The following COL4A3 variants were observed in gnomAD, a reference collection of about 807,000 sequenced individuals.
COL4A3 encodes the protein collagen type IV alpha 3 chain.
In COL4A3, 135 loss-of-function variants were observed where a neutral mutation model predicts 217.4. The observed-to-expected ratio is 0.62, with a 90% CI of 0.54 to 0.72. The LOEUF (loss-of-function observed/expected upper bound fraction) is 0.72, where lower values mean the gene tolerates loss of function less well. COL4A3 is among the 30% of genes least tolerant of loss of function. The pLI is 0.00. For synonymous variants in COL4A3, 690 were observed against 736.3 expected, an observed-to-expected ratio of 0.94 and a Z score of 1.02; for missense variants, 1,868 against 2,119.9, an observed-to-expected ratio of 0.88 and a Z score of 2.33.
At chr2:227,301,773 A>C (rs1391725941) in intron 43 of COL4A3, 2 of 152,228 alleles carry the variant, frequency 1.3e-5, no homozygotes, top group Non-Finnish European at 2.9e-5. Flanking sequence ...CCCTGGCAAC[A>C]TGCCCTTTTT....
chr2:227,267,792 GA>G (rs11298010), intron 23 of COL4A3, among the ~76,000 whole-genome samples: 108,354 of 146,712 alleles, frequency 0.74, 39,841 homozygotes, highest in South Asian at 0.81. Context: ...ATTTTGAAAG[GA>G]AAAAAAAAAA....
At position 227,247,972 on chromosome 2, in the gene COL4A3, CT is replaced by C. The variant is rs561331363; in HGVS notation, c.468+389del. 3.4e-4 allele frequency among the ~76,000 whole-genome samples: 52 copies of C among 152,270 alleles called. 2 individuals are homozygous for C. The South Asian group carries it at 9.3e-3, about 27-fold the overall frequency. On this transcript the variant is annotated intron_variant, in intron 8 of 51. Transcript: ENST00000396578. ...TTTATTTTTTTGAGATGGAGTCTTG[CT>C]CTGTTGCCCAGGCTGGAGTACAGTG... is the stretch of plus-strand genomic sequence containing the variant.
At chr2:227,234,606 C>A (rs1306006576) in intron 1 of COL4A3, among the ~76,000 whole-genome samples, 1 of 152,162 alleles carries the variant, frequency 6.6e-6, no homozygotes, top group Non-Finnish European at 1.5e-5. Context: ...CCAAAGATAC[C>A]AGTGTGACTA....
chr2:227,298,705 C>T lies in COL4A3; in HGVS notation c.3775C>T (p.Pro1259Ser). The T allele has an allele frequency of 6.2e-7, 1 of 1,614,012 alleles. No individual in the cohort carries two copies. Among genetic ancestry groups the T allele is most frequent in the Non-Finnish European group, 8.5e-7 (1 of 1,179,970 alleles). Reference protein sequence around the residue: ...SPGAPGPPGPPGSHVIGIKGD... With the variant: ...SPGAPGPPGPSGSHVIGIKGD... The stretch of plus-strand genomic sequence containing the variant: ...AGGTGCGCCTGGTCCCCCTGGACCT[C>T]CAGGGAGTCATGTAATAGGCATAAA... The change falls in exon 43 of 52, where the codon CCA (proline) becomes TCA (serine). Residue 1259 changes from proline (P) to serine (S), a missense_variant. Transcript: ENST00000396578.
At chr2:227,181,404 C>T (rs2065864092) in intron 1 of COL4A3, among the ~76,000 whole-genome samples, 1 of 152,148 alleles carries the variant, frequency 6.6e-6, no homozygotes. Context: ...AGGATGAATC[C>T]TTGTGAAGTT....
intron 1 of COL4A3, among the ~76,000 whole-genome samples, chr2:227,207,376 C>T (rs6718536): frequency 0.4 from 61,386 of 152,006 alleles, 13,204 homozygotes; most frequent in East Asian, 0.78. Flanking sequence ...TTCTTCTTCA[C>T]TTCTTGTTTA....
intron 1 of COL4A3, among the ~76,000 whole-genome samples, chr2:227,209,159 A>T (rs1300732489): frequency 6.6e-6 from 1 of 152,232 alleles, no homozygotes; most frequent in East Asian, 1.9e-4. Flanking sequence ...CACAATGTTA[A>T]TTCCTGTTCC....
At chr2:227,284,965 T>C (rs1432826872) in intron 34 of COL4A3, among the ~76,000 whole-genome samples, 1 of 152,216 alleles carries the variant, frequency 6.6e-6, no homozygotes, top group East Asian at 1.9e-4. Flanking sequence ...ATACGACCAA[T>C]ATAAAACCAA....
At chr2:227,201,065 T>C (rs2066667304) in intron 1 of COL4A3, among the ~76,000 whole-genome samples, 1 of 152,064 alleles carries the variant, frequency 6.6e-6, no homozygotes, top group Non-Finnish European at 1.5e-5. Flanking sequence ...CTTAAGTATC[T>C]TTAAAAAGTT....
chr2:227,238,934 T>C (rs62277850), intron 2 of COL4A3, among the ~76,000 whole-genome samples: 53,865 of 152,090 alleles, frequency 0.35, 10,327 homozygotes, highest in African/African-American at 0.51. Context: ...GATGCTACTG[T>C]AGGGTGTATA....
In COL4A3 at chr2:227,293,275, C is replaced by T; in HGVS notation, c.3295C>T (p.Pro1099Ser). The stretch of plus-strand genomic sequence containing the variant: ...ACCTGGACATTTGGGGCCTGCTGGA[C>T]CTGAGGGAGCCCCTGGAAGTCCTGG... The part of the protein sequence containing the change: ...GPPGHLGPAG[P>S]EGAPGSPGSP... Residue 1099 changes from proline to serine, a missense_variant, in exon 38 of 52, where the codon CCT becomes TCT. Pro to Ser is a moderately conservative substitution (Grantham distance 74). This residue lies in a region of COL4A3 where 1,503 missense variants were observed against 1,786.1 expected (regional missense o/e 0.84). Transcript: ENST00000396578. 6.2e-7 allele frequency: 1 copy of T among 1,613,754 alleles called. No homozygotes were observed. The highest frequency in any genetic ancestry group is 8.5e-7 in the Non-Finnish European group (1 of 1,180,006).
At chr2:227,247,443 G>A (rs887970028) in intron 7 of COL4A3, 115 bp from the exon 8 acceptor site, 92 of 931,986 alleles carry the variant, frequency 9.9e-5, no homozygotes, top group Admixed American at 1.7e-4. Flanking sequence ...TTGTAAGGCC[G>A]TGGGAGGTGT....
At chr2:227,271,828 G>A (rs2071260367) in intron 25 of COL4A3, among the ~76,000 whole-genome samples, 1 of 152,112 alleles carries the variant, frequency 6.6e-6, no homozygotes, top group Admixed American at 6.5e-5. Context: ...TCATCATAAT[G>A]TATTTACAAG....
chr2:227,289,324 G>C (rs1193290551), intron 35 of COL4A3, 76 bp downstream of exon 35: 3 of 1,211,836 alleles, frequency 2.5e-6, no homozygotes, highest in Admixed American at 3.9e-5. Context: ...GTTGTTTCTA[G>C]GCTTACTGGG....
At chr2:227,212,067 A>G (rs1477943577) in intron 1 of COL4A3, among the ~76,000 whole-genome samples, 1 of 152,144 alleles carries the variant, frequency 6.6e-6, no homozygotes. Context: ...GTTTTTCTGA[A>G]TACTCATGAC....
chr2:227,208,805 C>CAT (rs143669282), intron 1 of COL4A3, among the ~76,000 whole-genome samples: 9 of 106,328 alleles, frequency 8.5e-5, no homozygotes, highest in East Asian at 4.1e-4. Context: ...CACACACACA[C>CAT]ATATATACAG....
At chr2:227,257,901 C>A (rs972985086) in intron 18 of COL4A3, among the ~76,000 whole-genome samples, 3 of 152,156 alleles carry the variant, frequency 2.0e-5, no homozygotes, top group Non-Finnish European at 2.9e-5. Flanking sequence ...GTCTAAGCAG[C>A]CCAGGCCCAA....
At chr2:227,262,433 G>T (rs1176132127) in intron 20 of COL4A3, among the ~76,000 whole-genome samples, 1 of 152,144 alleles carries the variant, frequency 6.6e-6, no homozygotes, top group Non-Finnish European at 1.5e-5. Context: ...AAATGGCATT[G>T]GTATCTTGAT....
chr2:227,271,427 T>A (rs2071229599), intron 25 of COL4A3, among the ~76,000 whole-genome samples: 1 of 151,886 alleles, frequency 6.6e-6, no homozygotes, highest in Non-Finnish European at 1.5e-5. Flanking sequence ...TGAGAGAGTT[T>A]CTCACATATT....
Sources: gnomAD v4.1 joint callset for allele counts (sites outside exome capture counted in the v4.1 genomes callset) on GRCh38, gnomAD v4.1.1 for gene constraint, gnomAD v4.1.1 regional missense constraint, MANE v1.5 for transcripts, NCBI Gene and HGNC (gene_info 2026-07-23, HGNC 2026-07-21) for gene names.